SWAP70: variants seen among roughly 807,000 people sequenced by gnomAD.
SWAP70 encodes the protein switch-associated protein 70.
Under a neutral mutation model 80.2 loss-of-function variants are expected in SWAP70, and 34 were observed. The observed-to-expected ratio is 0.42, with a 90% CI of 0.32 to 0.56. The LOEUF (loss-of-function observed/expected upper bound fraction) is 0.56, where lower values mean the gene tolerates loss of function less well. SWAP70 is among the 20% of genes least tolerant of loss of function. SWAP70 has a pLI of 0.09. For synonymous variants in SWAP70, 239 were observed against 238.5 expected, an observed-to-expected ratio of 1.00 and a Z score of -0.02; for missense variants, 578 against 690.7, an observed-to-expected ratio of 0.84 and a Z score of 1.83.
chr11:9,744,093 G>A (rs75963977), intron 9 of SWAP70, among the ~76,000 whole-genome samples: 15,046 of 151,834 alleles, frequency 0.099, 1,897 homozygotes, highest in East Asian at 0.28. Flanking sequence ...CTCCTGAGCA[G>A]CTGGGACTAC....
At chr11:9,738,154 C>G in intron 7 of SWAP70, 59 bp from the exon 8 acceptor site, 1 of 1,232,636 alleles carries the variant, frequency 8.1e-7, no homozygotes, top group East Asian at 2.5e-5. Context: ...GTCTCTCTCT[C>G]TTTAATGTAC....
At chr11:9,727,326 GTTGCAGTGAGCCGAGA>G (rs1045490284) in intron 4 of SWAP70, among the ~76,000 whole-genome samples, 6 of 152,102 alleles carry the variant, frequency 3.9e-5, no homozygotes, top group African/African-American at 1.4e-4. Flanking sequence ...AGGCAGAGAG[GTTGCAGTGAGCCGAGA>G]TTGCACCCAC....
chr11:9,746,526 A>G (rs1851514526), intron 9 of SWAP70, among the ~76,000 whole-genome samples: 1 of 152,238 alleles, frequency 6.6e-6, no homozygotes, highest in Non-Finnish European at 1.5e-5. Context: ...TGTTGTGTAC[A>G]TCAAACTCCA....
chr11:9,672,195 C>CTATGTATATA (rs530619499), intron 1 of SWAP70, among the ~76,000 whole-genome samples: 1,582 of 78,360 alleles, frequency 0.02, 55 homozygotes, highest in Middle Eastern at 0.029. Flanking sequence ...ATGTGTGTGT[C>CTATGTATATA]TATATATATA....
chr11:9,684,273 G>A (rs905401458), intron 1 of SWAP70, among the ~76,000 whole-genome samples: 1 of 152,014 alleles, frequency 6.6e-6, no homozygotes, highest in Non-Finnish European at 1.5e-5. Flanking sequence ...ATAGAGACAG[G>A]GTCTTGTTAT....
chr11:9,664,156 T>TGGCGGGGC lies in SWAP70; in HGVS notation c.-23_-16dup. The stretch of plus-strand genomic sequence containing the variant: ...GAGGGGCTGGCTGGGCAGGAGGGGT[T>TGGCGGGGC]GGCGGGGCAGCAGGGCCGCGGCCAT... On this transcript the variant is annotated 5_prime_UTR_variant, in exon 1 of 12. Transcript: ENST00000318950. 1 of 1,550,888 alleles carries TGGCGGGGC rather than the reference T, an allele frequency of 6.4e-7. No individual in the cohort carries two copies. The highest frequency in any genetic ancestry group is 1.4e-5 in the African/African-American group (1 of 72,218).
At chr11:9,665,882 A>C (rs2134409237) in intron 1 of SWAP70, among the ~76,000 whole-genome samples, 1 of 152,260 alleles carries the variant, frequency 6.6e-6, no homozygotes, top group Non-Finnish European at 1.5e-5. Context: ...GTAAGTTTTT[A>C]ATAAATAGAT....
chr11:9,730,113 C>T (rs1851277487), intron 6 of SWAP70, among the ~76,000 whole-genome samples: 2 of 152,100 alleles, frequency 1.3e-5, no homozygotes. Flanking sequence ...CGGCCTCCTG[C>T]CTTCCCACAT....
rs571909848 is a variant in SWAP70, at chr11:9,740,561, G to A, written c.1355+214G>A. On this transcript the variant is annotated intron_variant, in intron 9 of 11. Transcript: ENST00000318950. Reference sequence around the variant, plus strand: ...GGCGCTGGGAAACCCTTGCTTCTGGGGCTAAATAAGGGCCTATTTTAGAGC... The same window carrying A: ...GGCGCTGGGAAACCCTTGCTTCTGGAGCTAAATAAGGGCCTATTTTAGAGC... The A allele has an allele frequency of 2.9e-4, 167 of 573,478 alleles. 1 individual carries two copies. Among genetic ancestry groups the A allele is most frequent in the Non-Finnish European group, 4.7e-4 (151 of 322,066 alleles). 35.5% of individuals were successfully genotyped at this position (573,478 alleles called of 1,614,324 possible).
intron 2 of SWAP70, among the ~76,000 whole-genome samples, chr11:9,706,920 A>C (rs1850922903): frequency 6.6e-6 from 1 of 151,016 alleles, no homozygotes; most frequent in Non-Finnish European, 1.5e-5. Context: ...CTTTATTTTT[A>C]GCTATCTCCT....
intron 1 of SWAP70, among the ~76,000 whole-genome samples, chr11:9,671,717 TATA>T (rs1850404202): frequency 1.9e-5 from 2 of 103,124 alleles, no homozygotes; most frequent in African/African-American, 7.4e-5. Flanking sequence ...CATAGAAATA[TATA>T]AATATATTTC....
chr11:9,729,637 TA>T (rs1371518837), intron 6 of SWAP70, among the ~76,000 whole-genome samples, 186 bp downstream of exon 6: 13 of 152,072 alleles, frequency 8.5e-5, no homozygotes, highest in African/African-American at 2.4e-4. Flanking sequence ...TAGCTGGGAC[TA>T]TAGCCACCAC....
chr11:9,729,983 T>C (rs1851275925), intron 6 of SWAP70, among the ~76,000 whole-genome samples: 1 of 152,224 alleles, frequency 6.6e-6, no homozygotes, highest in South Asian at 2.1e-4. Context: ...ACTTTTTAAA[T>C]AGATTTTGGG....
intron 9 of SWAP70, among the ~76,000 whole-genome samples, chr11:9,747,278 A>G (rs1280558529): frequency 1.3e-5 from 2 of 152,364 alleles, no homozygotes; most frequent in Non-Finnish European, 1.5e-5. Context: ...TCAGGGGATT[A>G]GCAATAATGG....
intron 2 of SWAP70, among the ~76,000 whole-genome samples, chr11:9,709,191 T>C (rs1850962331): frequency 6.6e-6 from 1 of 152,120 alleles, no homozygotes; most frequent in East Asian, 1.9e-4. Flanking sequence ...CAGCACAGTC[T>C]TGCCTTCATT....
At chr11:9,721,907 GA>G (rs1475071296) in intron 3 of SWAP70, among the ~76,000 whole-genome samples, 4 of 152,098 alleles carry the variant, frequency 2.6e-5, no homozygotes, top group African/African-American at 4.8e-5. Context: ...GAAGAAAAAG[GA>G]AAAAAATTAA....
chr11:9,676,648 G>GT (rs776925174), intron 1 of SWAP70, among the ~76,000 whole-genome samples: 2,079 of 135,330 alleles, frequency 0.015, 45 homozygotes, highest in African/African-American at 0.04. Flanking sequence ...TATAGATGCA[G>GT]TTTTTTTTTT....
chr11:9,724,802 T>A lies in SWAP70; in HGVS notation c.559T>A (p.Phe187Ile), dbSNP rs1851185834. 1 of 1,614,124 alleles carries A rather than the reference T, an allele frequency of 6.2e-7. No homozygotes were observed. Residue 187 changes from phenylalanine to isoleucine, a missense_variant, in exon 4 of 12, where the codon TTT becomes ATT. Coordinates refer to ENST00000318950, the MANE Select transcript of SWAP70 (RefSeq NM_015055.4). ...TATTGAGCTTATTGGAAATGGACAG[T>A]TTAGCAAAGGCATGGACCGGCAGAC... Reference protein sequence around the residue: ...ELIELIGNGQFSKGMDRQTVS... With the variant: ...ELIELIGNGQISKGMDRQTVS...
chr11:9,737,052 AC>A (rs2133813658), intron 7 of SWAP70, among the ~76,000 whole-genome samples: 1 of 152,354 alleles, frequency 6.6e-6, no homozygotes, highest in East Asian at 1.9e-4. Context: ...CAGTCAACCA[AC>A]AAACCAACAA....
Sources: gnomAD v4.1 joint callset for allele counts (sites outside exome capture counted in the v4.1 genomes callset) on GRCh38, gnomAD v4.1.1 for gene constraint, MANE v1.5 for transcripts, NCBI Gene and HGNC (gene_info 2026-07-23, HGNC 2026-07-21) for gene names.